The following ADGRB3 variants were observed in gnomAD, a reference collection of about 807,000 sequenced individuals.
ADGRB3 encodes the protein brain-specific angiogenesis inhibitor 3.
A neutral mutation model predicts 193.4 loss-of-function variants in ADGRB3; 37 were observed. That is an observed-to-expected ratio of 0.19 (90% CI 0.15 to 0.25). ADGRB3 has a LOEUF of 0.25. Among genes scored for constraint, ADGRB3 ranks in the 10% least tolerant of loss-of-function variants. ADGRB3 has a pLI of 1.00. For synonymous variants in ADGRB3, 690 were observed against 644.2 expected, an observed-to-expected ratio of 1.07 and a Z score of -1.08; for missense variants, 1,637 against 1,852.9, an observed-to-expected ratio of 0.88 and a Z score of 2.14.
Position 69,018,487 on chromosome 6 carries a change from A to G in ADGRB3, c.2095A>G (p.Thr699Ala). ...MMDFQNSYLM[T>A]GNVVASIQKL... ...GGACTTTCAGAATTCATACTTAATG[A>G]CTGGAAATGTAGGTAAGAAATAGGA... The change falls in exon 13 of 32, where the codon ACT becomes GCT. Residue 699 changes from threonine (T) to alanine (A), a missense_variant. This residue lies in a region of ADGRB3 where 641 missense variants were observed against 673.9 expected (regional missense o/e 0.95). Coordinates refer to ENST00000370598, the MANE Select transcript of ADGRB3 (RefSeq NM_001704.3). The G allele has an allele frequency of 6.2e-7, 1 of 1,601,292 alleles. No homozygotes were observed. The highest frequency in any genetic ancestry group is 1.1e-5 in the South Asian group (1 of 90,362).
At chr6:68,681,625 A>G (rs1764898650) in intron 3 of ADGRB3, among the ~76,000 whole-genome samples, 1 of 152,094 alleles carries the variant, frequency 6.6e-6, no homozygotes, top group Admixed American at 6.5e-5. Flanking sequence ...CTCAATATTT[A>G]TATTCTCTTT....
At chr6:68,906,883 G>C (rs1280101020) in intron 3 of ADGRB3, among the ~76,000 whole-genome samples, 1 of 151,740 alleles carries the variant, frequency 6.6e-6, no homozygotes, top group Non-Finnish European at 1.5e-5. Flanking sequence ...AGAAGCTTTC[G>C]ACAGTAAAAT....
At chr6:69,145,058 G>T (rs978604148) in intron 17 of ADGRB3, among the ~76,000 whole-genome samples, 2 of 152,100 alleles carry the variant, frequency 1.3e-5, no homozygotes, top group African/African-American at 4.8e-5. Flanking sequence ...GGATCCTTTG[G>T]GTGTCACTTC....
intron 20 of ADGRB3, among the ~76,000 whole-genome samples, chr6:69,300,328 A>C (rs1767922599): frequency 6.6e-6 from 1 of 151,744 alleles, no homozygotes. Context: ...AACACAATAA[A>C]GGCCATGTAT....
At chr6:69,295,328 G>A (rs530224798) in intron 20 of ADGRB3, among the ~76,000 whole-genome samples, 50 of 152,264 alleles carry the variant, frequency 3.3e-4, no homozygotes, top group African/African-American at 1.1e-3. Context: ...TCAAGCCTTA[G>A]GCTAGGACTA....
At chr6:68,938,040 G>C (rs1341366627) in intron 5 of ADGRB3, among the ~76,000 whole-genome samples, 2 of 152,040 alleles carry the variant, frequency 1.3e-5, no homozygotes, top group African/African-American at 4.8e-5. Context: ...AGAATTGGGA[G>C]GTTAACAAAG....
At position 69,361,367 on chromosome 6, in the gene ADGRB3, A is replaced by G; in HGVS notation, c.4094A>G (p.Gln1365Arg). ...VMDQFNMNLE[Q>R]HLAPQEHMQN... is the part of the protein sequence containing the mutation. ...GACCAGTTCAATATGAACTTAGAGC[A>G]ACATCTCGCACCCCAGGAACATATG... Residue 1365 changes from glutamine (Q) to arginine (R), a missense_variant, in exon 29 of 32, where the codon CAA becomes CGA. Physicochemically the swap from Gln to Arg is conservative, Grantham distance 43. Around this residue, in one of 7 missense-constraint regions of ADGRB3, gnomAD observed 368 missense variants for 367.4 expected, o/e 1.00. Transcript: ENST00000370598. 2 of 1,613,050 alleles carry G rather than the reference A, an allele frequency of 1.2e-6. No homozygotes were observed. The highest frequency in any genetic ancestry group is 1.7e-6 in the Non-Finnish European group (2 of 1,179,254).
chr6:69,219,469 A>T (rs1415669268), intron 17 of ADGRB3, among the ~76,000 whole-genome samples: 1 of 74,628 alleles, frequency 1.3e-5, no homozygotes, highest in Non-Finnish European at 2.5e-5. Flanking sequence ...ACGTATATAT[A>T]TATATATATA....
rs1190223889 is a variant in ADGRB3, at chr6:69,316,396, TA to T, written c.2815-8472del. Among the ~76,000 whole-genome samples, 3 of 151,474 alleles carry T rather than the reference TA, an allele frequency of 2.0e-5. No homozygotes were observed. The Admixed American group carries it at 2.0e-4, about 10-fold the overall frequency. The stretch of plus-strand genomic sequence containing the variant: ...ATTAGAAAAGGAAAAATGTATTTCT[TA>T]AAAGGTATGAGAGAACATTACACAC... On this transcript the variant is annotated intron_variant, in intron 20 of 31. Coordinates refer to ENST00000370598, the MANE Select transcript of ADGRB3 (RefSeq NM_001704.3).
chr6:69,305,601 G>A (rs1768051782), intron 20 of ADGRB3, among the ~76,000 whole-genome samples: 1 of 150,802 alleles, frequency 6.6e-6, no homozygotes, highest in Non-Finnish European at 1.5e-5. Context: ...GTTCTTGGTG[G>A]GGAGTGGGGG....
At chr6:68,789,821 G>A (rs1243168406) in intron 3 of ADGRB3, among the ~76,000 whole-genome samples, 1 of 152,106 alleles carries the variant, frequency 6.6e-6, no homozygotes, top group Non-Finnish European at 1.5e-5. Context: ...TTTTCACATA[G>A]TCCCATATTT....
intron 3 of ADGRB3, among the ~76,000 whole-genome samples, chr6:68,777,115 G>A (rs1766761876): frequency 6.6e-6 from 1 of 152,110 alleles, no homozygotes. Context: ...TTCATAATTT[G>A]AAGTTTGATA....
chr6:69,100,565 T>G (rs1773002940), intron 17 of ADGRB3, among the ~76,000 whole-genome samples: 2 of 152,104 alleles, frequency 1.3e-5, no homozygotes, highest in South Asian at 4.1e-4. Context: ...AAATGCTTTT[T>G]GGCTGTATGG....
chr6:69,121,670 A>G (rs1300095032), intron 17 of ADGRB3, among the ~76,000 whole-genome samples: 1 of 144,956 alleles, frequency 6.9e-6, no homozygotes, highest in Non-Finnish European at 1.5e-5. Context: ...TGGGGCAGCC[A>G]GGCCGAGGCA....
chr6:69,349,124 G>A (rs966324887), intron 26 of ADGRB3, among the ~76,000 whole-genome samples: 1 of 152,190 alleles, frequency 6.6e-6, no homozygotes, highest in Non-Finnish European at 1.5e-5. Context: ...TGCCACAAAG[G>A]GGATGGCATG....
intron 3 of ADGRB3, among the ~76,000 whole-genome samples, chr6:68,784,957 T>C (rs1766932602): frequency 6.6e-6 from 1 of 152,078 alleles, no homozygotes; most frequent in African/African-American, 2.4e-5. Context: ...CTGCCAAATA[T>C]TGTGATTATA....
chr6:69,029,391 C>A (rs946606867), intron 13 of ADGRB3, among the ~76,000 whole-genome samples: 1 of 152,166 alleles, frequency 6.6e-6, no homozygotes, highest in African/African-American at 2.4e-5. Flanking sequence ...AGTCTCCATC[C>A]CTTCAGCAAC....
chr6:69,103,532 T>C (rs886604772), intron 17 of ADGRB3, among the ~76,000 whole-genome samples: 2 of 152,070 alleles, frequency 1.3e-5, no homozygotes, highest in Non-Finnish European at 2.9e-5. Context: ...AGTGAACCTT[T>C]GGATATTTAT....
chr6:68,720,345 T>A (rs1765555323), intron 3 of ADGRB3, among the ~76,000 whole-genome samples: 1 of 151,798 alleles, frequency 6.6e-6, no homozygotes, highest in Non-Finnish European at 1.5e-5. Context: ...CTCCCTGATC[T>A]GCAAGAACAC....
Sources: gnomAD v4.1 joint callset for allele counts (sites outside exome capture counted in the v4.1 genomes callset) on GRCh38, gnomAD v4.1.1 for gene constraint, gnomAD v4.1.1 regional missense constraint, MANE v1.5 for transcripts, NCBI Gene and HGNC (gene_info 2026-07-23, HGNC 2026-07-21) for gene names.